Variants in TEAD3 observed in about 807,000 individuals in gnomAD.
TEAD3 encodes transcriptional enhancer factor TEF-5.
A neutral mutation model predicts 55.6 loss-of-function variants in TEAD3; 15 were observed. The ratio of observed to expected loss-of-function variants is 0.27; its 90% CI spans 0.18 to 0.42. The LOEUF is 0.42. Ranked by LOEUF, TEAD3 falls within the 10% of genes least tolerant of loss-of-function variation. TEAD3 has a pLI of 1.00. For missense variants in TEAD3, 407 were observed against 576.8 expected, an observed-to-expected ratio of 0.71 and a Z score of 3.01; for synonymous variants, 210 against 232.2, an observed-to-expected ratio of 0.90 and a Z score of 0.87.
chr6:35,473,665 C>T (rs1768080735), downstream of TEAD3: 1 of 134,758 alleles, frequency 7.4e-6, no homozygotes. Context: ...AGGAGCTGGG[C>T]CTTTGAGGGC....
At chr6:35,482,253 G>A (rs1011949809) in intron 3 of TEAD3, among the ~76,000 whole-genome samples, 2 of 152,106 alleles carry the variant, frequency 1.3e-5, no homozygotes, top group African/African-American at 4.8e-5. Context: ...CCAAAGTCCT[G>A]GGATTACAGG....
chr6:35,479,335 A>C lies in TEAD3; in HGVS notation c.331-19T>G. 1.2e-6 allele frequency: 2 copies of C among 1,613,894 alleles called. No individual in the cohort carries two copies. Among genetic ancestry groups the C allele is most frequent in the Non-Finnish European group, 1.7e-6 (2 of 1,179,836 alleles). On this transcript the variant is annotated intron_variant, in intron 4 of 12. Transcript: ENST00000639578. ...TCATGGCCTGTGAGGGAGAGAAGGA[A>C]GATAGATTAGAGGACATGTGCAGCA...
At chr6:35,490,359 G>A (rs1191874874) in intron 1 of TEAD3, among the ~76,000 whole-genome samples, 3 of 152,144 alleles carry the variant, frequency 2.0e-5, no homozygotes, top group Non-Finnish European at 4.4e-5. Context: ...GAGGGGGGAC[G>A]GCCCAAAGGA....
chr6:35,492,392 G>C (rs1045537812), intron 1 of TEAD3, among the ~76,000 whole-genome samples: 3 of 152,006 alleles, frequency 2.0e-5, no homozygotes, highest in African/African-American at 7.2e-5. Context: ...TCCCACCCTA[G>C]AAGTAGCCAT....
rs980693701 is a variant in TEAD3, at chr6:35,475,242, C to T, written c.1195-85G>A. Reference sequence around the variant, plus strand: ...GGGCTGAACAGACCATTCTCCTTTCCGGATCTATGCCTCTCAGCCAAGCGA... The same window carrying T: ...GGGCTGAACAGACCATTCTCCTTTCTGGATCTATGCCTCTCAGCCAAGCGA... On this transcript the variant is annotated intron_variant, in intron 12 of 12. Transcript: ENST00000639578. This position sits in a 1 kb window ranked among gnomAD's most constrained non-coding sequence, Gnocchi z 5.4. The T allele has an allele frequency of 1.3e-5, 20 of 1,594,574 alleles. No individual in the cohort carries two copies. The African/African-American group carries it at 1.3e-4, about 11-fold the overall frequency.
chr6:35,478,392 C>G (rs1768196854), intron 6 of TEAD3, 42 bp downstream of exon 6: 1 of 1,613,586 alleles, frequency 6.2e-7, no homozygotes, highest in East Asian at 2.2e-5. Context: ...TCATCCTTTA[C>G]AGCACACCCC....
intron 1 of TEAD3, among the ~76,000 whole-genome samples, chr6:35,489,829 T>G (rs1295513811): frequency 1.3e-5 from 2 of 150,868 alleles, no homozygotes; most frequent in Admixed American, 6.6e-5. Context: ...AGGCCAGGAG[T>G]TCAAGACCAG....
chr6:35,480,162 CGGA>C (rs1768237516), intron 3 of TEAD3, 147 bp downstream of exon 4: 1 of 1,549,498 alleles, frequency 6.5e-7, no homozygotes, highest in Non-Finnish European at 8.7e-7. Context: ...ACAGAAAGAG[CGGA>C]AGGAGAGGCA....
intron 7 of TEAD3, 41 bp downstream of exon 7, chr6:35,478,234 C>CA: frequency 6.2e-7 from 1 of 1,611,360 alleles, no homozygotes; most frequent in Non-Finnish European, 8.5e-7. Context: ...GTGCGGCTGC[C>CA]AGGAGGAAGA....
intron 5 of TEAD3, 85 bp from the exon 6 acceptor site, chr6:35,478,656 G>A: frequency 6.8e-7 from 1 of 1,474,880 alleles, no homozygotes; most frequent in South Asian, 1.4e-5. Context: ...CCCCAGCAGA[G>A]TCCAAAGCAC....
chr6:35,480,472 A>G (rs1014216912), intron 3 of TEAD3, 98 bp from the exon 4 acceptor site: 35 of 1,249,918 alleles, frequency 2.8e-5, no homozygotes, highest in Non-Finnish European at 4.0e-5. Flanking sequence ...CAGACCTCTC[A>G]TCTCTAGGGA....
At chr6:35,489,012 C>T (rs1433299765) in intron 1 of TEAD3, among the ~76,000 whole-genome samples, 1 of 152,260 alleles carries the variant, frequency 6.6e-6, no homozygotes, top group East Asian at 1.9e-4. Flanking sequence ...CAGCCTCGGC[C>T]TCCCAAAGTG....
At chr6:35,495,448 C>T (rs1385147449) in intron 1 of TEAD3, among the ~76,000 whole-genome samples, 1 of 152,166 alleles carries the variant, frequency 6.6e-6, no homozygotes, top group Non-Finnish European at 1.5e-5. Context: ...GGCCCAAGAG[C>T]TTGGGACTCA....
chr6:35,475,839 A>G lies in TEAD3; in HGVS notation c.900+80T>C. 1.3e-6 allele frequency: 2 copies of G among 1,499,216 alleles called. No homozygotes were observed. The highest frequency in any genetic ancestry group is 1.8e-6 in the Non-Finnish European group (2 of 1,122,638). The allele number at this position is 1,499,216 out of a possible 1,614,324, so 92.9% of individuals were successfully genotyped here. ...AGCCATGAGGATGCAGCAGGGTCAG[A>G]GGTCAATGCAGTGGGCCTGGATGTT... On this transcript the variant is annotated intron_variant, in intron 10 of 12. Transcript: ENST00000639578. This position sits in a 1 kb window ranked among gnomAD's most constrained non-coding sequence, Gnocchi z 5.4.
Position 35,488,083 on chromosome 6 carries a change from G to C in TEAD3, c.-49-1372C>G, listed in dbSNP as rs1012156493. 6.6e-6 allele frequency among the ~76,000 whole-genome samples: 1 copy of C among 152,176 alleles called. No individual in the cohort carries two copies. Among genetic ancestry groups the C allele is most frequent in the Non-Finnish European group, 1.5e-5 (1 of 68,032 alleles). Reference sequence around the variant, plus strand: ...CTTCCCCCAAATCGATAACTAACCAGAACTCTGCCAAGGGGCCTAATGTAG... The same window carrying C: ...CTTCCCCCAAATCGATAACTAACCACAACTCTGCCAAGGGGCCTAATGTAG... On this transcript the variant is annotated intron_variant, in intron 1 of 12. Transcript: ENST00000639578. This position sits in a 1 kb window ranked among gnomAD's most constrained non-coding sequence, Gnocchi z 4.2.
intron 9 of TEAD3, 32 bp from the exon 10 acceptor site, chr6:35,476,124 G>A (rs1422809604): frequency 6.5e-7 from 1 of 1,545,876 alleles, no homozygotes; most frequent in Non-Finnish European, 8.7e-7. Flanking sequence ...GGTCAGGAGA[G>A]TACTCAGGCT....
intron 3 of TEAD3, among the ~76,000 whole-genome samples, chr6:35,482,203 C>A (rs867438223): frequency 2.3e-4 from 35 of 152,186 alleles, no homozygotes; most frequent in African/African-American, 6.8e-4. Context: ...CCAGGCTGGT[C>A]TCAAACTCCT....
rs1472423581 is a variant in TEAD3, at chr6:35,488,755, G to C, written c.-49-2044C>G. Reference sequence around the variant, plus strand: ...TTTTTTATTTTTTAGACGGAGTCTTGCTCTGTCGCCCAGGCTAGAGTGCAA... The same window carrying C: ...TTTTTTATTTTTTAGACGGAGTCTTCCTCTGTCGCCCAGGCTAGAGTGCAA... On this transcript the variant is annotated intron_variant, in intron 1 of 12. Transcript: ENST00000639578. This position sits in a 1 kb window ranked among gnomAD's most constrained non-coding sequence, Gnocchi z 4.2. 1.3e-5 allele frequency among the ~76,000 whole-genome samples: 2 copies of C among 151,826 alleles called. No individual in the cohort carries two copies. The highest frequency in any genetic ancestry group is 4.8e-5 in the African/African-American group (2 of 41,260).
chr6:35,476,013 C>G, exon 10 of TEAD3: 1 of 1,563,716 alleles, frequency 6.4e-7, no homozygotes, highest in Non-Finnish European at 8.6e-7. Context: ...ATAGATCTGG[C>G]GCACATCTAC....
Sources: allele counts gnomAD v4.1 joint callset (sites outside exome capture counted in the v4.1 genomes callset), GRCh38; gene constraint gnomAD v4.1.1; non-coding constraint Gnocchi (gnomAD v3.1); transcripts MANE v1.5; gene names NCBI Gene and HGNC (gene_info 2026-07-23, HGNC 2026-07-21).